ACCSL: variants seen among roughly 807,000 people sequenced by gnomAD.
ACCSL encodes the protein probable inactive 1-aminocyclopropane-1-carboxylate synthase-like protein 2.
In ACCSL, 55 loss-of-function variants were observed where a neutral mutation model predicts 61.7. The ratio of observed to expected loss-of-function variants is 0.89; its 90% CI spans 0.72 to 1.12. ACCSL has a LOEUF of 1.12. Among genes scored for constraint, ACCSL ranks in the 50% most tolerant of loss-of-function variants. ACCSL has a pLI of 0.00. For synonymous variants in ACCSL, 258 were observed against 264.3 expected, an observed-to-expected ratio of 0.98 and a Z score of 0.23; for missense variants, 632 against 698.0, an observed-to-expected ratio of 0.91 and a Z score of 1.07.
At chr11:43,976,621 T>C in the ACCSL span, among the ~76,000 whole-genome samples, 1 of 152,188 alleles carries the variant, frequency 6.6e-6, no homozygotes, top group African/African-American at 2.4e-5. Context: ...TCCAGTTTCA[T>C]CCTGAAGCTC....
the ACCSL span, among the ~76,000 whole-genome samples, chr11:43,984,899 T>G: frequency 6.6e-6 from 1 of 152,186 alleles, no homozygotes; most frequent in East Asian, 1.9e-4. Context: ...CAGGGGCTCT[T>G]CGAGGCCACC....
chr11:43,998,781 A>C, the ACCSL span, among the ~76,000 whole-genome samples: 1 of 139,940 alleles, frequency 7.1e-6, no homozygotes, highest in Non-Finnish European at 1.5e-5. Context: ...TTTTTTTGAG[A>C]CAATGTCTCT....
the ACCSL span, among the ~76,000 whole-genome samples, chr11:43,954,809 T>A: frequency 1.3e-5 from 2 of 152,124 alleles, no homozygotes; most frequent in Non-Finnish European, 2.9e-5. Flanking sequence ...GGTCTCGAAC[T>A]CTCCATCTCA....
At chr11:43,951,609 GT>G in the ACCSL span, among the ~76,000 whole-genome samples, 1 of 152,160 alleles carries the variant, frequency 6.6e-6, no homozygotes, top group Admixed American at 6.5e-5. Context: ...GATTATGATG[GT>G]TTGACCCCCC....
At chr11:43,956,544 C>G in the ACCSL span, among the ~76,000 whole-genome samples, 1 of 152,106 alleles carries the variant, frequency 6.6e-6, no homozygotes, top group African/African-American at 2.4e-5. Context: ...CTCAGCCTCC[C>G]TAGTAGCTGG....
chr11:44,034,771 G>A, the ACCSL span, among the ~76,000 whole-genome samples: 1 of 152,196 alleles, frequency 6.6e-6, no homozygotes, highest in African/African-American at 2.4e-5. Flanking sequence ...AACCATATCA[G>A]GTGCTTCATT....
At chr11:44,027,063 G>A in the ACCSL span, among the ~76,000 whole-genome samples, 79 of 152,230 alleles carry the variant, frequency 5.2e-4, no homozygotes, top group Non-Finnish European at 5.4e-4. Flanking sequence ...TTTATCATGC[G>A]TGATCCCTGA....
At position 44,051,719 on chromosome 11, in the gene ACCSL, G is replaced by A. The variant is rs199907490; in HGVS notation, c.772G>A (p.Glu258Lys). Residue 258 changes from glutamate (E) to lysine (K), a missense_variant and splice_region_variant, in exon 5 of 14, where the codon GAG becomes AAG. Transcript: ENST00000378832. ...ALAMVLCDPG[E>K]AFLVPAPFYG... ...GGCCATGGTTCTGTGTGATCCAGGC[G>A]GTAAGTCAGTGGGCTCTCCTTTCAC... 2.0e-5 allele frequency: 32 copies of A among 1,613,988 alleles called. No homozygotes were observed. The highest frequency in any genetic ancestry group is 1.2e-4 in the South Asian group (11 of 91,076).
chr11:43,973,460 A>G, the ACCSL span, among the ~76,000 whole-genome samples: 2 of 133,216 alleles, frequency 1.5e-5, no homozygotes, highest in Non-Finnish European at 3.3e-5. Context: ...CTATCTATCT[A>G]TCTCCTGGAA....
chr11:44,014,630 C>T, the ACCSL span, among the ~76,000 whole-genome samples: 1 of 152,130 alleles, frequency 6.6e-6, no homozygotes, highest in African/African-American at 2.4e-5. Flanking sequence ...GTGGGAGGGG[C>T]CTGCACAAGG....
At chr11:43,971,070 C>T in the ACCSL span, among the ~76,000 whole-genome samples, 11 of 152,090 alleles carry the variant, frequency 7.2e-5, no homozygotes, top group Non-Finnish European at 1.5e-4. Context: ...CAGTGGCTCA[C>T]GTCTGTAATT....
At chr11:43,974,546 AC>A in the ACCSL span, among the ~76,000 whole-genome samples, 3 of 152,198 alleles carry the variant, frequency 2.0e-5, no homozygotes, top group Non-Finnish European at 2.9e-5. Context: ...AGGTGGACAT[AC>A]CTTTTGCATG....
At chr11:43,940,982 C>T in the ACCSL span, among the ~76,000 whole-genome samples, 8 of 152,154 alleles carry the variant, frequency 5.3e-5, no homozygotes, top group African/African-American at 1.9e-4. Flanking sequence ...GTTTTCTTAG[C>T]TTCTCTGTGC....
chr11:44,023,838 T>C, the ACCSL span, among the ~76,000 whole-genome samples: 1 of 152,218 alleles, frequency 6.6e-6, no homozygotes, highest in African/African-American at 2.4e-5. Context: ...AAGTTTGGTA[T>C]GTTGTGTTTT....
the ACCSL span, among the ~76,000 whole-genome samples, chr11:43,999,920 T>A: frequency 1.3e-5 from 2 of 152,132 alleles, no homozygotes; most frequent in Admixed American, 6.5e-5. Context: ...CAATACAGTA[T>A]AATAATTATT....
the ACCSL span, among the ~76,000 whole-genome samples, chr11:43,953,254 C>T: frequency 6.6e-6 from 1 of 152,102 alleles, no homozygotes; most frequent in African/African-American, 2.4e-5. Context: ...GTGGCTCACA[C>T]CTGTAATCCC....
At chr11:43,938,295 T>G in the ACCSL span, among the ~76,000 whole-genome samples, 1 of 151,874 alleles carries the variant, frequency 6.6e-6, no homozygotes, top group African/African-American at 2.4e-5. Context: ...ACCGACAGGG[T>G]GTTGAGAGTC....
the ACCSL span, chr11:43,942,963 C>G: frequency 5.9e-5 from 88 of 1,486,038 alleles, no homozygotes; most frequent in Admixed American, 1.4e-4. Flanking sequence ...GCGGTGATGC[C>G]GCACTTCGTG....
At chr11:44,024,441 C>CTCTCTGTG in the ACCSL span, among the ~76,000 whole-genome samples, 1 of 132,014 alleles carries the variant, frequency 7.6e-6, no homozygotes, top group Non-Finnish European at 1.6e-5. Flanking sequence ...CTCTCTCTCT[C>CTCTCTGTG]TGTGTGTGTG....
Sources: gnomAD v4.1 joint callset for allele counts (sites outside exome capture counted in the v4.1 genomes callset) on GRCh38, gnomAD v4.1.1 for gene constraint, MANE v1.5 for transcripts, NCBI Gene and HGNC (gene_info 2026-07-23, HGNC 2026-07-21) for gene names.